Variants in AMMECR1 observed in about 807,000 individuals in gnomAD.
AMMECR1 encodes the protein AMMECR nuclear protein 1.
AMMECR1 carries 3 observed loss-of-function variants against 22.5 expected under a neutral mutation model. The observed-to-expected ratio is 0.13, with a 90% CI of 0.06 to 0.35. The LOEUF is 0.35. Among genes scored for constraint, AMMECR1 ranks in the 10% least tolerant of loss-of-function variants. The pLI is 1.00. For missense variants in AMMECR1, 235 were observed against 278.7 expected, an observed-to-expected ratio of 0.84 and a Z score of 1.12; for synonymous variants, 130 against 116.7, an observed-to-expected ratio of 1.11 and a Z score of -0.74.
At chrX:110,329,521 G>C (rs2068112202) in intron 2 of AMMECR1, among the ~76,000 whole-genome samples, 1 of 112,327 alleles carries the variant, frequency 8.9e-6, no homozygotes, top group African/African-American at 3.2e-5. Flanking sequence ...GAGACGGAAA[G>C]CTTGCCATTG....
At chrX:110,429,081 AC>A (rs2068776005) in intron 1 of AMMECR1, among the ~76,000 whole-genome samples, 1 of 111,458 alleles carries the variant, frequency 9.0e-6, no homozygotes, top group Non-Finnish European at 1.9e-5. Context: ...CTGTAGATCC[AC>A]CCTGTTCTTC....
chrX:110,390,798 G>C (rs2068488988), intron 2 of AMMECR1, among the ~76,000 whole-genome samples: 1 of 111,959 alleles, frequency 8.9e-6, no homozygotes, highest in Admixed American at 9.5e-5. Flanking sequence ...TTGATCATAA[G>C]GGCTTTCAAG....
chrX:110,291,569 G>T (rs1359888539), intron 1 of AMMECR1, among the ~76,000 whole-genome samples: 1 of 110,962 alleles, frequency 9.0e-6, no homozygotes. Flanking sequence ...AAGGTACTTG[G>T]GAGAGGTGAT....
At chrX:110,199,638 CTTT>C (rs1352879390) in intron 5 of AMMECR1, among the ~76,000 whole-genome samples, 2 of 111,269 alleles carry the variant, frequency 1.8e-5, no homozygotes, top group Non-Finnish European at 3.8e-5. Context: ...TGACTTTCTT[CTTT>C]ATTTCTAAAT....
At chrX:110,354,912 A>T (rs551701540) in intron 2 of AMMECR1, among the ~76,000 whole-genome samples, 19 of 112,150 alleles carry the variant, frequency 1.7e-4, no homozygotes, top group African/African-American at 5.8e-4. Flanking sequence ...GATCCACAGC[A>T]TTGGTCTGGA....
intron 1 of AMMECR1, among the ~76,000 whole-genome samples, chrX:110,431,642 A>G (rs972413248): frequency 9.0e-6 from 1 of 111,462 alleles, no homozygotes; most frequent in African/African-American, 3.3e-5. Flanking sequence ...TGGTGTGAAG[A>G]CAGACCCTGG....
At chrX:110,371,782 T>C (rs1390615199) in intron 2 of AMMECR1, among the ~76,000 whole-genome samples, 1 of 111,680 alleles carries the variant, frequency 9.0e-6, no homozygotes. Context: ...CTATGGCTAC[T>C]CTGTCTAGGT....
chrX:110,194,342 G>A lies in AMMECR1; in HGVS notation c.*4178C>T, dbSNP rs2067360532. On this transcript the variant is annotated 3_prime_UTR_variant, in exon 6 of 6. Coordinates refer to ENST00000262844, the MANE Select transcript of AMMECR1 (RefSeq NM_015365.3). ...TATTTAATATTGTAAAGCCATACATGTCATATAAAATGCCCATTTCCAATA... is the reference window on the plus strand; with the variant it reads ...TATTTAATATTGTAAAGCCATACATATCATATAAAATGCCCATTTCCAATA... 1 of 111,459 alleles carries A rather than the reference G, an allele frequency of 9.0e-6. No homozygotes were observed. The highest frequency in any genetic ancestry group is 3.8e-4 in the South Asian group (1 of 2,659). The allele number at this position is 111,459 out of a possible 1,213,427, so 9.2% of individuals were successfully genotyped here. A position where few individuals can be genotyped will look rare whatever the true frequency, so the allele number is the denominator to read the frequency against.
At chrX:110,408,804 G>T (rs1362235586) in intron 2 of AMMECR1, among the ~76,000 whole-genome samples, 1 of 112,629 alleles carries the variant, frequency 8.9e-6, no homozygotes, top group Non-Finnish European at 1.9e-5. Flanking sequence ...GTAGTCCTGT[G>T]TGAGCATTTA....
In AMMECR1 at chrX:110,426,175, A is replaced by G. The variant is rs143051100; in HGVS notation, c.-148+483T>C. Among the ~76,000 whole-genome samples, 1,078 of 112,495 alleles carry G rather than the reference A, an allele frequency of 9.6e-3. 5 individuals carry two copies. Among genetic ancestry groups the G allele is most frequent in the Non-Finnish European group, 0.015 (781 of 53,277 alleles). Reference sequence around the variant, plus strand: ...AAGCGGGGGTTTTGCACCGGTGAGCAAAGTGTTTCAAATGAGAATGTGTCT... The same window carrying G: ...AAGCGGGGGTTTTGCACCGGTGAGCGAAGTGTTTCAAATGAGAATGTGTCT... On this transcript the variant is annotated intron_variant, in intron 2 of 7. Coordinates refer to the AMMECR1 transcript ENST00000372057.
chrX:110,385,775 A>G (rs1265521063), intron 2 of AMMECR1, among the ~76,000 whole-genome samples: 2 of 111,591 alleles, frequency 1.8e-5, no homozygotes, highest in Non-Finnish European at 3.8e-5. Flanking sequence ...TCACCCAGAC[A>G]GTGAGCATCC....
At chrX:110,270,007 T>C (rs2067790486) in intron 1 of AMMECR1, among the ~76,000 whole-genome samples, 2 of 111,624 alleles carry the variant, frequency 1.8e-5, no homozygotes, top group African/African-American at 6.5e-5. Context: ...TACTAGGCTT[T>C]AAGGCTGCTA....
intron 2 of AMMECR1, among the ~76,000 whole-genome samples, chrX:110,409,591 T>C (rs191412382): frequency 4.8e-4 from 53 of 110,689 alleles, no homozygotes; most frequent in African/African-American, 1.7e-3. Flanking sequence ...GATCTCAGGC[T>C]GTCTTGGCCT....
chrX:110,377,819 C>T lies in AMMECR1; in HGVS notation c.-148+48839G>A, dbSNP rs189036889. Among the ~76,000 whole-genome samples the T allele has an allele frequency of 5.2e-4, 57 of 108,610 alleles. No individual in the cohort carries two copies. The East Asian group carries it at 0.016, about 30-fold the overall frequency. 94.3% of individuals were successfully genotyped at this position (108,610 alleles called of 115,157 possible). On this transcript the variant is annotated intron_variant, in intron 2 of 7. Transcript: ENST00000372057. ...GGTCAGGAGATCGAGACCATCCTGGCTAACACGGTGAAACCCCGTCTCTAC... is the reference window on the plus strand; with the variant it reads ...GGTCAGGAGATCGAGACCATCCTGGTTAACACGGTGAAACCCCGTCTCTAC...
chrX:110,276,172 T>C (rs1185178752), intron 1 of AMMECR1, among the ~76,000 whole-genome samples: 10 of 112,141 alleles, frequency 8.9e-5, no homozygotes. Flanking sequence ...TTGCTATTTA[T>C]TTCTTCAATG....
At chrX:110,340,877 T>C (rs994068811) in intron 2 of AMMECR1, among the ~76,000 whole-genome samples, 18 of 112,528 alleles carry the variant, frequency 1.6e-4, no homozygotes, top group Non-Finnish European at 1.3e-4. Context: ...GTCATATCCA[T>C]AAGGCTCCAA....
intron 2 of AMMECR1, among the ~76,000 whole-genome samples, chrX:110,355,994 A>G: frequency 9.0e-6 from 1 of 111,293 alleles, no homozygotes; most frequent in Non-Finnish European, 1.9e-5. Context: ...AAAGATAAAT[A>G]TTGTGTGATC....
At chrX:110,428,085 G>A (rs763561592) in intron 1 of AMMECR1, among the ~76,000 whole-genome samples, 12 of 112,287 alleles carry the variant, frequency 1.1e-4, no homozygotes, top group Middle Eastern at 4.6e-3. Context: ...TTCTCTACCA[G>A]TCTGAGAGCT....
At chrX:110,260,441 A>T (rs1213898941) in intron 2 of AMMECR1, among the ~76,000 whole-genome samples, 1 of 111,210 alleles carries the variant, frequency 9.0e-6, no homozygotes, top group Non-Finnish European at 1.9e-5. Context: ...AAAAAACTTA[A>T]TTCAGGATAG....
Sources: allele counts gnomAD v4.1 joint callset (sites outside exome capture counted in the v4.1 genomes callset), GRCh38; gene constraint gnomAD v4.1.1; transcripts MANE v1.5; gene names NCBI Gene and HGNC (gene_info 2026-07-23, HGNC 2026-07-21).